Variants in PTRH1 observed in about 807,000 individuals in gnomAD.
The protein encoded by PTRH1 is peptidyl-tRNA hydrolase 1 homolog, also known as peptidyl-tRNA hydrolase.
In PTRH1, 13 loss-of-function variants were observed where a neutral mutation model predicts 15.7. That is an observed-to-expected ratio of 0.83 (90% CI 0.54 to 1.31). The LOEUF is 1.31. Ranked by LOEUF, PTRH1 falls within the 40% of genes most tolerant of loss-of-function variation. The probability of loss-of-function intolerance (pLI) is 0.00; values close to 1 mark genes in which losing one functional copy is unlikely to be tolerated. For synonymous variants in PTRH1, 139 were observed against 136.7 expected, an observed-to-expected ratio of 1.02 and a Z score of -0.12; for missense variants, 319 against 296.2, an observed-to-expected ratio of 1.08 and a Z score of -0.56.
At chr9:127,709,324 C>T, downstream of PTRH1, 5 of 1,323,806 alleles carry the variant, frequency 3.8e-6, no homozygotes, top group African/African-American at 1.5e-5. This position sits in a 1 kb window ranked among gnomAD's most constrained non-coding sequence, Gnocchi z 4.7. Flanking sequence ...TCAAATGCCC[C>T]TTTACGGGAC....
chr9:127,706,991 T>C (rs377277182), intron 1 of PTRH1: 122 of 1,607,320 alleles, frequency 7.6e-5, no homozygotes, highest in Non-Finnish European at 9.8e-5. Flanking sequence ...AGCAACCACC[T>C]GGCCTCTTCC....
rs1564361200 is a variant in PTRH1, at chr9:127,695,052, A to AC, written c.294_295insG (p.Trp99ValfsTer46). 4 of 648,774 alleles carry AC rather than the reference A, an allele frequency of 6.2e-6. No individual in the cohort carries two copies. The South Asian group carries it at 6.3e-5, about 10-fold the overall frequency. The allele number at this position is 648,774 out of a possible 1,614,324, so 40.2% of individuals were successfully genotyped here. A position where few individuals can be genotyped will look rare whatever the true frequency, so the allele number is the denominator to read the frequency against. Reference sequence around the variant, plus strand: ...CAGGAAGCACAGTGAGGGCTCAGCCATTGATGATGATGATGATGATGATGA... The same window carrying AC: ...CAGGAAGCACAGTGAGGGCTCAGCCACTTGATGATGATGATGATGATGATGA... On this transcript the variant is annotated frameshift_variant, in exon 2 of 3. Transcript: ENST00000335223. LOFTEE classifies it high-confidence loss of function.
chr9:127,700,259 T>C (rs1356302764), intron 1 of PTRH1, among the ~76,000 whole-genome samples: 1 of 152,122 alleles, frequency 6.6e-6, no homozygotes, highest in Non-Finnish European at 1.5e-5. Context: ...TCATCAAATC[T>C]GAGTTGTTTT....
Position 127,707,105 on chromosome 9 carries a change from C to T in PTRH1, c.205+8330G>A, listed in dbSNP as rs138657238. ...AAGAAGAAAGGGGGCAAGAAGGAGC[C>T]GGTGGTGGCCGTGGAGCCGCCTCTG... On this transcript the variant is annotated intron_variant, in intron 1 of 2. Transcript: ENST00000335223. 7.3e-4 allele frequency: 1,179 copies of T among 1,613,816 alleles called. 11 individuals are homozygous for T. The African/African-American group carries it at 0.013, about 18-fold the overall frequency.
chr9:127,699,258 C>T (rs180712024), intron 1 of PTRH1, among the ~76,000 whole-genome samples: 1 of 152,336 alleles, frequency 6.6e-6, no homozygotes, highest in Non-Finnish European at 1.5e-5. Context: ...AAGGGTGGGA[C>T]TCCACCCGGA....
downstream of PTRH1, among the ~76,000 whole-genome samples, chr9:127,710,165 C>T (rs185481534): frequency 1.3e-5 from 2 of 151,566 alleles, no homozygotes; most frequent in East Asian, 3.9e-4. Context: ...GTCCCAGCTA[C>T]TTGGGAAGCT....
rs1842641905 is a variant in PTRH1 at position 127,705,849 on chromosome 9, C to T, written c.205+9586G>A. The stretch of plus-strand genomic sequence containing the variant: ...AAGTGCACTCAGGCTGAGGCCTGTG[C>T]AGAAGCATGGGGGTCTCTTCCCTCT... On this transcript the variant is annotated intron_variant, in intron 1 of 2. Transcript: ENST00000335223. The surrounding 1 kb of genome is among the most constrained non-coding windows in gnomAD (Gnocchi z 4.7). Among the ~76,000 whole-genome samples, 1 of 152,238 alleles carries T rather than the reference C, an allele frequency of 6.6e-6. No homozygotes were observed. Among genetic ancestry groups the T allele is most frequent in the African/African-American group, 2.4e-5 (1 of 41,462 alleles).
intron 1 of PTRH1, among the ~76,000 whole-genome samples, chr9:127,698,905 C>CTTT (rs143136665): frequency 6.6e-5 from 9 of 136,862 alleles, no homozygotes; most frequent in Non-Finnish European, 7.9e-5. Context: ...ACAAGACCAA[C>CTTT]TTTTTTTTTT....
In PTRH1 at chr9:127,715,451, G is replaced by A. The variant is rs1271384115; in HGVS notation, c.96+93C>T. ...TGAACTCACCAGTTAAGAAAACAGA[G>A]CAGCAATTTGGGGGCACTCGGCTCC... On this transcript the variant is annotated intron_variant, in intron 1 of 4. Coordinates refer to ENST00000543175, the MANE Select transcript of PTRH1 (RefSeq NM_001002913.3). This position sits in a 1 kb window ranked among gnomAD's most constrained non-coding sequence, Gnocchi z 5.8. 6.5e-7 allele frequency: 1 copy of A among 1,546,826 alleles called. No homozygotes were observed. The highest frequency in any genetic ancestry group is 8.8e-7 in the Non-Finnish European group (1 of 1,130,044).
downstream of PTRH1, chr9:127,713,161 A>G: frequency 6.2e-7 from 1 of 1,601,358 alleles, no homozygotes; most frequent in Admixed American, 1.7e-5. Context: ...GGCTGCTGTC[A>G]TATATCACCC....
rs1842549650 is a variant in PTRH1 at position 127,695,296 on chromosome 9, G to A, written c.206-155C>T. 32 of 589,190 alleles carry A rather than the reference G, an allele frequency of 5.4e-5. No homozygotes were observed. The South Asian group carries it at 6.5e-4, about 12-fold the overall frequency. The allele number at this position is 589,190 out of a possible 1,614,324, so 36.5% of individuals were successfully genotyped here. ...CATATGTCAACATGAATAGATCTCA[G>A]ACACTTAACAATGAGTGAAAAGAGC... is the stretch of plus-strand genomic sequence containing the variant. On this transcript the variant is annotated intron_variant, in intron 1 of 2. Coordinates refer to the PTRH1 transcript ENST00000335223.
intron 1 of PTRH1, among the ~76,000 whole-genome samples, chr9:127,699,402 G>A (rs1481772235): frequency 2.6e-5 from 4 of 152,348 alleles, no homozygotes; most frequent in African/African-American, 4.8e-5. Context: ...GATCAGACGC[G>A]GCCTCGGGAC....
At chr9:127,712,265 G>A (rs1433608925), downstream of PTRH1, 1 of 1,613,928 alleles carries the variant, frequency 6.2e-7, no homozygotes, top group African/African-American at 1.3e-5. Context: ...GGCTACAGCA[G>A]GAACTGGCTA....
At chr9:127,710,489 C>A, downstream of PTRH1, 1 of 1,333,056 alleles carries the variant, frequency 7.5e-7, no homozygotes, top group South Asian at 1.4e-5. Flanking sequence ...CCACTGAGAC[C>A]ACACAGGGCG....
At chr9:127,699,542 G>A (rs907886955) in intron 1 of PTRH1, among the ~76,000 whole-genome samples, 4 of 152,186 alleles carry the variant, frequency 2.6e-5, no homozygotes, top group Non-Finnish European at 5.9e-5. Context: ...CTGGCTTTCC[G>A]AGGCGGGGTT....
chr9:127,699,935 C>A (rs973835258), intron 1 of PTRH1, among the ~76,000 whole-genome samples: 1 of 151,988 alleles, frequency 6.6e-6, no homozygotes, highest in Non-Finnish European at 1.5e-5. Context: ...AATATAAATG[C>A]CTCCCGAGAC....
chr9:127,712,497 C>T (rs912715445), downstream of PTRH1: 23 of 1,456,114 alleles, frequency 1.6e-5, no homozygotes, highest in African/African-American at 2.8e-5. Context: ...CTGATTCTGG[C>T]CTTCAAAGAT....
downstream of PTRH1, chr9:127,713,681 A>G: frequency 1.8e-6 from 1 of 556,886 alleles, no homozygotes; most frequent in South Asian, 1.8e-5. Flanking sequence ...TACTTTTTGT[A>G]TTTTTAGTAG....
rs546410997 is a variant in PTRH1 at position 127,697,440 on chromosome 9, G to A, written c.206-2299C>T. Among the ~76,000 whole-genome samples the A allele has an allele frequency of 5.3e-5, 8 of 152,138 alleles. No homozygotes were observed. The South Asian group carries it at 6.2e-4, about 12-fold the overall frequency. On this transcript the variant is annotated intron_variant, in intron 1 of 2. Transcript: ENST00000335223. Reference sequence around the variant, plus strand: ...TTTGGGAGGCCGAGGTGGGCGGATCGCCTGAGGTCAGGAGTTCAAGACCAG... The same window carrying A: ...TTTGGGAGGCCGAGGTGGGCGGATCACCTGAGGTCAGGAGTTCAAGACCAG...
Sources: allele counts gnomAD v4.1 joint callset (sites outside exome capture counted in the v4.1 genomes callset), GRCh38; gene constraint gnomAD v4.1.1; non-coding constraint Gnocchi (gnomAD v3.1); transcripts MANE v1.5; gene names NCBI Gene and HGNC (gene_info 2026-07-23, HGNC 2026-07-21).